Variants in KLRG1 observed in about 807,000 individuals in gnomAD.
KLRG1 encodes the protein killer cell lectin-like receptor subfamily G member 1.
Under a neutral mutation model 21.8 loss-of-function variants are expected in KLRG1, and 16 were observed. The observed-to-expected ratio is 0.73, with a 90% CI of 0.50 to 1.11. KLRG1 has a LOEUF of 1.11. Ranked by LOEUF, KLRG1 falls within the 50% of genes most tolerant of loss-of-function variation. The pLI is 0.00. For missense variants in KLRG1, 173 were observed against 218.3 expected (o/e 0.79, Z 1.31); for synonymous variants, 69 against 75.9 (o/e 0.91, Z 0.47).
At chr12:9,157,966 TCTC>T in the KLRG1 span, 5 of 838,154 alleles carry the variant, frequency 6.0e-6, no homozygotes, top group Admixed American at 2.1e-5. Context: ...CTTCTCTCTC[TCTC>T]TCTCGACAGG....
the KLRG1 span, among the ~76,000 whole-genome samples, chr12:9,131,080 A>G: frequency 6.6e-6 from 1 of 152,166 alleles, no homozygotes; most frequent in Non-Finnish European, 1.5e-5. Flanking sequence ...CTTGTTGAAG[A>G]TCATTTGACC....
At chr12:9,032,152 G>T in the KLRG1 span, among the ~76,000 whole-genome samples, 1 of 152,066 alleles carries the variant, frequency 6.6e-6, no homozygotes, top group Admixed American at 6.5e-5. Context: ...TTTTTTGAGG[G>T]TGCAAAAAGC....
chr12:9,025,104 A>G, the KLRG1 span, among the ~76,000 whole-genome samples: 1 of 152,222 alleles, frequency 6.6e-6, no homozygotes, highest in African/African-American at 2.4e-5. Flanking sequence ...GGTCATGTTT[A>G]TCATTCTTCA....
chr12:9,155,703 C>T, the KLRG1 span, among the ~76,000 whole-genome samples: 1 of 152,036 alleles, frequency 6.6e-6, no homozygotes, highest in African/African-American at 2.4e-5. Flanking sequence ...TTTTAGACAA[C>T]CTCTATGACA....
intron 3 of KLRG1, among the ~76,000 whole-genome samples, chr12:9,005,291 G>T (rs1056326278): frequency 6.6e-6 from 1 of 152,156 alleles, no homozygotes; most frequent in Admixed American, 6.5e-5. Flanking sequence ...ACCATGGCAC[G>T]TGTATACCTA....
the KLRG1 span, among the ~76,000 whole-genome samples, chr12:9,143,117 A>G: frequency 1.3e-5 from 2 of 152,342 alleles, no homozygotes; most frequent in East Asian, 3.9e-4. Flanking sequence ...GTGAGGGTTG[A>G]GGTTAGAATT....
the KLRG1 span, chr12:9,196,408 T>G: frequency 6.2e-7 from 1 of 1,613,718 alleles, no homozygotes; most frequent in South Asian, 1.1e-5. Context: ...TGTTTGTGAT[T>G]TCACTGATCC....
intron 1 of KLRG1, among the ~76,000 whole-genome samples, chr12:8,963,351 T>C (rs772490307): frequency 6.6e-6 from 1 of 152,306 alleles, no homozygotes; most frequent in African/African-American, 2.4e-5. Context: ...CATTTAGAAA[T>C]GTTGAACCAG....
the KLRG1 span, chr12:9,095,742 C>CTTTTTTTTTTTTTTTT: frequency 7.2e-6 from 2 of 276,800 alleles, no homozygotes. Flanking sequence ...TTATTTGTGA[C>CTTTTTTTTTTTTTTTT]TTTTTTTTTT....
chr12:9,153,169 C>G, the KLRG1 span: 1 of 1,614,214 alleles, frequency 6.2e-7, no homozygotes, highest in East Asian at 2.2e-5. Flanking sequence ...ATGACATATT[C>G]TCCAGGGAGC....
the KLRG1 span, chr12:9,162,754 A>G: frequency 2.6e-5 from 24 of 913,584 alleles, no homozygotes; most frequent in African/African-American, 2.8e-4. Flanking sequence ...AATGATGTTT[A>G]CCATCCTACT....
At chr12:9,160,548 T>G in the KLRG1 span, 1 of 1,524,066 alleles carries the variant, frequency 6.6e-7, no homozygotes, top group Admixed American at 1.9e-5. Flanking sequence ...TAGCCAACAT[T>G]ATTAACAAAA....
chr12:9,137,858 G>A, the KLRG1 span, among the ~76,000 whole-genome samples: 2 of 152,016 alleles, frequency 1.3e-5, no homozygotes, highest in Non-Finnish European at 2.9e-5. Flanking sequence ...ATTTTTGTAA[G>A]TTGATTTTGT....
the KLRG1 span, among the ~76,000 whole-genome samples, chr12:9,032,460 G>A: frequency 6.6e-6 from 1 of 152,198 alleles, no homozygotes. Flanking sequence ...TGATTCCTCA[G>A]TGTAGGCCAA....
chr12:9,196,281 T>C, the KLRG1 span: 1 of 1,314,178 alleles, frequency 7.6e-7, no homozygotes, highest in African/African-American at 1.4e-5. Context: ...GTCCTGTGCT[T>C]AGGTGCAACT....
At chr12:9,097,923 G>T in the KLRG1 span, among the ~76,000 whole-genome samples, 1 of 152,124 alleles carries the variant, frequency 6.6e-6, no homozygotes, top group African/African-American at 2.4e-5. Flanking sequence ...GAGCCACCAG[G>T]CCCAGCCATA....
At chr12:9,106,540 C>T in the KLRG1 span, 1 of 1,598,602 alleles carries the variant, frequency 6.3e-7, no homozygotes, top group Admixed American at 1.7e-5. Context: ...TCATTTCATA[C>T]TCCTTCCTCT....
chr12:9,010,913 A>T (rs1301917616), downstream of KLRG1, among the ~76,000 whole-genome samples: 1 of 152,206 alleles, frequency 6.6e-6, no homozygotes, highest in Non-Finnish European at 1.5e-5. Context: ...TACAATGCTC[A>T]TAGAAGGAAG....
the KLRG1 span, among the ~76,000 whole-genome samples, chr12:9,205,676 T>C: frequency 5.3e-5 from 8 of 152,320 alleles, no homozygotes; most frequent in Middle Eastern, 3.4e-3. Context: ...TAGAGTAAAT[T>C]TGCAAGTAAA....
Sources: gnomAD v4.1 joint callset for allele counts (sites outside exome capture counted in the v4.1 genomes callset) on GRCh38, gnomAD v4.1.1 for gene constraint, MANE v1.5 for transcripts, NCBI Gene and HGNC (gene_info 2026-07-23, HGNC 2026-07-21) for gene names.